CCSER2: variants seen among roughly 807,000 people sequenced by gnomAD.
CCSER2 encodes the protein serine-rich coiled-coil domain-containing protein 2.
In CCSER2, 46 loss-of-function variants were observed where a neutral mutation model predicts 92.3. The ratio of observed to expected loss-of-function variants is 0.50; its 90% CI spans 0.39 to 0.64. The LOEUF (loss-of-function observed/expected upper bound fraction) is 0.64, where lower values mean the gene tolerates loss of function less well. Among genes scored for constraint, CCSER2 ranks in the 30% least tolerant of loss-of-function variants. CCSER2 has a pLI of 0.00. For missense variants in CCSER2, 1,244 were observed against 1,238.9 expected (o/e 1.00, Z -0.06); for synonymous variants, 433 against 431.4 (o/e 1.00, Z -0.04).
At chr10:84,462,477 G>A (rs57844193) in intron 6 of CCSER2, among the ~76,000 whole-genome samples, 15,178 of 152,174 alleles carry the variant, frequency 0.1, 960 homozygotes, top group Admixed American at 0.15. Flanking sequence ...TAGGACTGGC[G>A]ATGCTTTTAT....
intron 4 of CCSER2, among the ~76,000 whole-genome samples, chr10:84,420,701 A>G (rs1446099511): frequency 6.6e-6 from 1 of 152,092 alleles, no homozygotes; most frequent in Non-Finnish European, 1.5e-5. Context: ...TGGGAGGCCA[A>G]GGTGGGCAGA....
chr10:84,436,312 C>CGA (rs1439914896), intron 5 of CCSER2, among the ~76,000 whole-genome samples: 1 of 95,382 alleles, frequency 1.0e-5, no homozygotes, highest in Non-Finnish European at 1.8e-5. Context: ...GGCGACAGAG[C>CGA]GAGACTCCGT....
intron 6 of CCSER2, among the ~76,000 whole-genome samples, chr10:84,462,353 G>A (rs934200567): frequency 6.6e-5 from 10 of 152,300 alleles, no homozygotes; most frequent in African/African-American, 2.2e-4. Context: ...GTATGTGCTT[G>A]TGTTGTCTCA....
chr10:84,428,861 C>G (rs910176485), intron 5 of CCSER2, among the ~76,000 whole-genome samples: 1 of 151,476 alleles, frequency 6.6e-6, no homozygotes, highest in Non-Finnish European at 1.5e-5. Context: ...TGGAGATAAT[C>G]TTTTTTTTCC....
At chr10:84,368,011 A>G (rs1845872026) in intron 1 of CCSER2, among the ~76,000 whole-genome samples, 1 of 152,040 alleles carries the variant, frequency 6.6e-6, no homozygotes, top group South Asian at 2.1e-4. Context: ...GTCTCATTTC[A>G]TACTGCTGAG....
rs200914540 is a variant in CCSER2, at chr10:84,513,704, T to G, written c.2581T>G (p.Leu861Val). 70 of 1,540,332 alleles carry G rather than the reference T, an allele frequency of 4.5e-5. No homozygotes were observed. The highest frequency in any genetic ancestry group is 6.0e-5 in the Non-Finnish European group (69 of 1,147,952). Residue 861 changes from leucine (L) to valine (V), a missense_variant, in exon 10 of 10, where the codon TTA (leucine) becomes GTA (valine). Coordinates refer to ENST00000372088, the MANE Select transcript of CCSER2 (RefSeq NM_001284240.2). ...TAAGAGTACACCTTCTGAAGCAAACTTAAACATTACTGTAAATGCTCAAGA... is the reference window on the plus strand; with the variant it reads ...TAAGAGTACACCTTCTGAAGCAAACGTAAACATTACTGTAAATGCTCAAGA... ...VAKSTPSEAN[L>V]NITVNAQEPY...
In CCSER2 at chr10:84,513,583, G is replaced by T. The variant is rs375900540; in HGVS notation, c.2460G>T (p.Pro820=). The T allele has an allele frequency of 1.4e-5, 23 of 1,613,654 alleles. No individual in the cohort carries two copies. Among genetic ancestry groups the T allele is most frequent in the Non-Finnish European group, 1.9e-5 (23 of 1,179,982 alleles). The change falls in exon 10 of 10, where the codon CCG becomes CCT. Residue 820 remains proline (P), a synonymous_variant. Coordinates refer to ENST00000372088, the MANE Select transcript of CCSER2 (RefSeq NM_001284240.2). ...IQDMHQGGAH[P]EESFTHVLHQ... ...ACATGCATCAGGGCGGTGCACATCC[G>T]GAAGAAAGCTTTACACACGTCTTGC... is the stretch of plus-strand genomic sequence containing the variant.
intron 3 of CCSER2, among the ~76,000 whole-genome samples, chr10:84,377,199 C>T (rs1327525831): frequency 6.6e-6 from 1 of 151,982 alleles, no homozygotes; most frequent in Non-Finnish European, 1.5e-5. Flanking sequence ...TGATATTGTC[C>T]AGTTTTACAA....
chr10:84,505,349 A>C (rs770683962), intron 9 of CCSER2, among the ~76,000 whole-genome samples: 1 of 152,178 alleles, frequency 6.6e-6, no homozygotes, highest in East Asian at 1.9e-4. Context: ...GAAGGATATC[A>C]TTTAATTAAA....
At chr10:84,356,595 G>A (rs1387875854) in intron 1 of CCSER2, among the ~76,000 whole-genome samples, 1 of 152,140 alleles carries the variant, frequency 6.6e-6, no homozygotes, top group East Asian at 1.9e-4. Context: ...AGAAGTAGGT[G>A]TCGTGGATAT....
intron 1 of CCSER2, among the ~76,000 whole-genome samples, chr10:84,329,203 G>T (rs1453344482): frequency 6.6e-6 from 1 of 152,226 alleles, no homozygotes; most frequent in African/African-American, 2.4e-5. Flanking sequence ...CAATTACTGG[G>T]CTAAATGAAA....
intron 6 of CCSER2, chr10:84,454,639 T>C: frequency 6.4e-6 from 1 of 155,836 alleles, no homozygotes. Flanking sequence ...TGGCAACATC[T>C]GTATTTCCAC....
At chr10:84,424,186 T>C (rs1007813692) in intron 4 of CCSER2, among the ~76,000 whole-genome samples, 7 of 152,054 alleles carry the variant, frequency 4.6e-5, no homozygotes, top group Admixed American at 4.6e-4. Flanking sequence ...GATGATTACT[T>C]TAAATTTTCT....
At chr10:84,446,318 G>C (rs1844911710) in intron 6 of CCSER2, among the ~76,000 whole-genome samples, 1 of 152,158 alleles carries the variant, frequency 6.6e-6, no homozygotes, top group Admixed American at 6.5e-5. Flanking sequence ...TGTCAAATGT[G>C]ATATACAAAT....
At chr10:84,367,917 A>G (rs1485931323) in intron 1 of CCSER2, among the ~76,000 whole-genome samples, 1 of 152,050 alleles carries the variant, frequency 6.6e-6, no homozygotes, top group African/African-American at 2.4e-5. Flanking sequence ...CTTAATTTGG[A>G]TACCTAGGTC....
At chr10:84,375,515 C>G (rs1347134904) in intron 3 of CCSER2, among the ~76,000 whole-genome samples, 1 of 143,962 alleles carries the variant, frequency 6.9e-6, no homozygotes, top group Non-Finnish European at 1.5e-5. Flanking sequence ...AGGCGTGTAC[C>G]TGTTCAGAAT....
intron 6 of CCSER2, among the ~76,000 whole-genome samples, chr10:84,458,823 T>C (rs1845928033): frequency 6.6e-6 from 1 of 152,172 alleles, no homozygotes; most frequent in South Asian, 2.1e-4. Flanking sequence ...TGTGTTTTGT[T>C]GGATTTGTAC....
intron 6 of CCSER2, among the ~76,000 whole-genome samples, chr10:84,445,195 C>G (rs1844834409): frequency 1.3e-5 from 2 of 152,048 alleles, no homozygotes; most frequent in Non-Finnish European, 2.9e-5. Flanking sequence ...GCTCTGTCGC[C>G]CAGGCTGGAG....
chr10:84,423,390 A>G (rs893229092), intron 4 of CCSER2, among the ~76,000 whole-genome samples: 75 of 152,292 alleles, frequency 4.9e-4, no homozygotes, highest in Middle Eastern at 3.4e-3. Flanking sequence ...CTTACTTACC[A>G]TTATGTCCAT....
Sources: gnomAD v4.1 joint callset for allele counts (sites outside exome capture counted in the v4.1 genomes callset) on GRCh38, gnomAD v4.1.1 for gene constraint, MANE v1.5 for transcripts, NCBI Gene and HGNC (gene_info 2026-07-23, HGNC 2026-07-21) for gene names.